CIB1: variants seen among roughly 807,000 people sequenced by gnomAD.
CIB1 encodes calcium and integrin binding 1, also known as calcium and integrin-binding protein 1.
Under a neutral mutation model 25.0 loss-of-function variants are expected in CIB1, and 19 were observed. The ratio of observed to expected loss-of-function variants is 0.76; its 90% CI spans 0.53 to 1.12. CIB1 has a LOEUF of 1.12. Among genes scored for constraint, CIB1 ranks in the 50% most tolerant of loss-of-function variants. The pLI, the probability that CIB1 is intolerant of heterozygous loss-of-function variation, is 0.00. For synonymous variants in CIB1, 104 were observed against 98.5 expected (o/e 1.06, Z -0.33); for missense variants, 236 against 242.6 (o/e 0.97, Z 0.18).
chr15:90,240,752 A>G, the CIB1 span: 1 of 590,100 alleles, frequency 1.7e-6, no homozygotes, highest in Non-Finnish European at 2.9e-6. Flanking sequence ...GGCGGAGGTT[A>G]CAGTGAACCA....
upstream of CIB1, among the ~76,000 whole-genome samples, chr15:90,235,299 C>T (rs184621697): frequency 2.3e-3 from 353 of 152,276 alleles, 1 homozygote; most frequent in Non-Finnish European, 3.9e-3. Context: ...GGCGCGGTGG[C>T]TCATGCCTGT....
the CIB1 span, among the ~76,000 whole-genome samples, chr15:90,256,503 G>C: frequency 3.0e-3 from 459 of 151,810 alleles, 5 homozygotes; most frequent in African/African-American, 0.01. Flanking sequence ...TGTGACCTTG[G>C]GCAAGTTTCT....
chr15:90,242,050 C>A, the CIB1 span: 1 of 1,604,964 alleles, frequency 6.2e-7, no homozygotes, highest in Non-Finnish European at 8.5e-7. Context: ...GCCCTGATGT[C>A]CCAGGAAGAG....
chr15:90,233,583 G>A, intron 2 of CIB1, 86 bp downstream of exon 2: 2 of 1,500,382 alleles, frequency 1.3e-6, no homozygotes, highest in Non-Finnish European at 1.8e-6. Context: ...CCTCAGGCCA[G>A]CCCCCGCCCC....
At chr15:90,262,294 GAAT>G in the CIB1 span, 2 of 1,279,328 alleles carry the variant, frequency 1.6e-6, no homozygotes, top group Admixed American at 5.7e-5. Flanking sequence ...CAGCAAAGAG[GAAT>G]GGAGCTATAA....
At chr15:90,240,015 G>A in the CIB1 span, among the ~76,000 whole-genome samples, 1 of 152,112 alleles carries the variant, frequency 6.6e-6, no homozygotes, top group African/African-American at 2.4e-5. Context: ...CCTGAGGTCA[G>A]GAGTTCAAGA....
At chr15:90,246,039 C>T in the CIB1 span, among the ~76,000 whole-genome samples, 3 of 151,926 alleles carry the variant, frequency 2.0e-5, no homozygotes, top group East Asian at 5.8e-4. Flanking sequence ...TTTGGGAGGC[C>T]GAGGCGGGCA....
chr15:90,230,110 C>A lies in CIB1; in HGVS notation c.*374G>T, dbSNP rs957833538. Reference sequence around the variant, plus strand: ...GCCCCTTCATCCTCACACCCTCCCACGGGGACAGCCAGCGTGGGTGCGGCT... The same window carrying A: ...GCCCCTTCATCCTCACACCCTCCCAAGGGGACAGCCAGCGTGGGTGCGGCT... On this transcript the variant is annotated 3_prime_UTR_variant, in exon 7 of 7. Coordinates refer to ENST00000328649, the MANE Select transcript of CIB1 (RefSeq NM_006384.4). 5.1e-5 allele frequency: 15 copies of A among 295,168 alleles called. No individual in the cohort carries two copies. In the South Asian group the frequency reaches 5.9e-4, roughly 12 times the overall value. 18.3% of individuals were successfully genotyped at this position (295,168 alleles called of 1,614,324 possible).
At chr15:90,249,963 A>ATTTATTTT in the CIB1 span, among the ~76,000 whole-genome samples, 1 of 151,430 alleles carries the variant, frequency 6.6e-6, no homozygotes, top group East Asian at 1.9e-4. Context: ...TTATTTATTT[A>ATTTATTTT]TTTATTTATT....
chr15:90,253,264 A>G, the CIB1 span: 1 of 1,613,854 alleles, frequency 6.2e-7, no homozygotes, highest in South Asian at 1.1e-5. Context: ...CGGGCAGCCC[A>G]AATGTGTGGC....
At chr15:90,262,853 C>G in the CIB1 span, 5 of 1,311,648 alleles carry the variant, frequency 3.8e-6, no homozygotes, top group Admixed American at 1.4e-4. Flanking sequence ...AGGAACCTTC[C>G]TGGGTCAGGG....
intron 2 of CIB1, 152 bp from the exon 3 acceptor site, chr15:90,232,479 G>C (rs1962519954): frequency 2.3e-6 from 3 of 1,301,076 alleles, no homozygotes; most frequent in Admixed American, 3.0e-5. Flanking sequence ...GTAAGCAAAA[G>C]GACATGTCAC....
chr15:90,241,556 C>T, the CIB1 span: 3 of 1,613,276 alleles, frequency 1.9e-6, no homozygotes, highest in South Asian at 1.1e-5. Context: ...CGGTGAACCA[C>T]CTCCACCTGC....
the CIB1 span, among the ~76,000 whole-genome samples, chr15:90,253,000 AAAAC>A: frequency 2.2e-4 from 34 of 152,260 alleles, no homozygotes; most frequent in East Asian, 1.9e-3. Context: ...CCGTCTCTAA[AAAAC>A]AAACAAACAA....
At chr15:90,248,589 C>G in the CIB1 span, among the ~76,000 whole-genome samples, 1 of 151,726 alleles carries the variant, frequency 6.6e-6, no homozygotes, top group Non-Finnish European at 1.5e-5. Flanking sequence ...GTGGTGCGCA[C>G]CTGTAGCCCC....
At chr15:90,248,966 A>C in the CIB1 span, among the ~76,000 whole-genome samples, 1 of 152,126 alleles carries the variant, frequency 6.6e-6, no homozygotes, top group Non-Finnish European at 1.5e-5. Flanking sequence ...GTCTCAGTCC[A>C]CCAGAGGCAA....
the CIB1 span, among the ~76,000 whole-genome samples, chr15:90,254,859 A>G: frequency 1.3e-5 from 2 of 152,166 alleles, no homozygotes; most frequent in Admixed American, 6.6e-5. Flanking sequence ...GAAGGGGGAA[A>G]AAAAAAGGAT....
chr15:90,262,743 C>T, the CIB1 span: 1 of 1,344,998 alleles, frequency 7.4e-7, no homozygotes, highest in South Asian at 1.5e-5. Flanking sequence ...GAATGAATCT[C>T]TGCTGTCTTC....
the CIB1 span, chr15:90,242,182 G>A: frequency 1.2e-5 from 10 of 821,766 alleles, no homozygotes; most frequent in African/African-American, 1.7e-5. Context: ...CCACCTCTGG[G>A]GCTGAAGTGA....
Sources: gnomAD v4.1 joint callset for allele counts (sites outside exome capture counted in the v4.1 genomes callset) on GRCh38, gnomAD v4.1.1 for gene constraint, MANE v1.5 for transcripts, NCBI Gene and HGNC (gene_info 2026-07-23, HGNC 2026-07-21) for gene names.